The following RNF169 variants were observed in gnomAD, a reference collection of about 807,000 sequenced individuals.
The protein encoded by RNF169 is E3 ubiquitin-protein ligase RNF169.
Under a neutral mutation model 53.9 loss-of-function variants are expected in RNF169, and 24 were observed. The ratio of observed to expected loss-of-function variants is 0.45; its 90% CI spans 0.32 to 0.63. RNF169 has a LOEUF of 0.63. Among genes scored for constraint, RNF169 ranks in the 20% least tolerant of loss-of-function variants. The pLI, the probability that RNF169 is intolerant of heterozygous loss-of-function variation, is 0.04. For synonymous variants in RNF169, 396 were observed against 363.5 expected, an observed-to-expected ratio of 1.09 and a Z score of -1.02; for missense variants, 883 against 906.2, an observed-to-expected ratio of 0.97 and a Z score of 0.33.
At chr11:74,814,520 C>T (rs913550239) in intron 3 of RNF169, among the ~76,000 whole-genome samples, 1 of 151,270 alleles carries the variant, frequency 6.6e-6, no homozygotes, top group Non-Finnish European at 1.5e-5. Context: ...TAGCTGGGAC[C>T]ACAGGCGCCT....
intron 2 of RNF169, among the ~76,000 whole-genome samples, chr11:74,808,705 T>C (rs1488798310): frequency 1.3e-5 from 2 of 152,258 alleles, no homozygotes; most frequent in Non-Finnish European, 2.9e-5. Flanking sequence ...TGTTCTCTTT[T>C]GAACCATTAT....
rs532631258 is a variant in RNF169, at chr11:74,818,522, C to T, written c.842+808C>T. Among the ~76,000 whole-genome samples the T allele has an allele frequency of 2.0e-5, 3 of 152,192 alleles. No homozygotes were observed. In the South Asian group the frequency reaches 6.2e-4, roughly 31 times the overall value. On this transcript the variant is annotated intron_variant, in intron 4 of 5. Coordinates refer to ENST00000299563, the MANE Select transcript of RNF169 (RefSeq NM_001098638.2). Reference sequence around the variant, plus strand: ...ATCCTCCCATCTCAGCCCTGAATAGCTGAGACCATAGCTGTGTGCCACCAT... The same window carrying T: ...ATCCTCCCATCTCAGCCCTGAATAGTTGAGACCATAGCTGTGTGCCACCAT...
At chr11:74,792,623 G>A (rs987382765) in intron 2 of RNF169, among the ~76,000 whole-genome samples, 6 of 151,996 alleles carry the variant, frequency 3.9e-5, no homozygotes, top group Non-Finnish European at 7.4e-5. Context: ...GGCTGGTCTC[G>A]AACTCCTGAC....
At chr11:74,783,664 A>G (rs967491564) in intron 1 of RNF169, among the ~76,000 whole-genome samples, 1 of 152,128 alleles carries the variant, frequency 6.6e-6, no homozygotes. Flanking sequence ...GAGGAAGATG[A>G]TGTTGCCTTT....
intron 2 of RNF169, among the ~76,000 whole-genome samples, chr11:74,809,524 T>C (rs1162848194): frequency 1.3e-5 from 2 of 152,216 alleles, no homozygotes; most frequent in Non-Finnish European, 2.9e-5. Flanking sequence ...CTCTCTGCCA[T>C]AAATTTCTTT....
intron 2 of RNF169, among the ~76,000 whole-genome samples, chr11:74,809,691 C>A (rs981442753): frequency 6.6e-6 from 1 of 152,076 alleles, no homozygotes; most frequent in Non-Finnish European, 1.5e-5. Flanking sequence ...CTTTGTAGAC[C>A]GTGTATCTTG....
At chr11:74,804,442 C>T (rs1246918728) in intron 2 of RNF169, among the ~76,000 whole-genome samples, 2 of 152,200 alleles carry the variant, frequency 1.3e-5, no homozygotes, top group East Asian at 3.8e-4. Context: ...CCTGTCATAT[C>T]TGTCATGTTT....
chr11:74,784,160 T>C (rs951976017), intron 1 of RNF169, among the ~76,000 whole-genome samples: 17 of 152,216 alleles, frequency 1.1e-4, no homozygotes, highest in Non-Finnish European at 2.2e-4. Flanking sequence ...TATTATACTT[T>C]AATGGAGATT....
rs146171204 is a variant in RNF169, at chr11:74,810,067, A to G, written c.577-117A>G. The G allele has an allele frequency of 2.3e-3, 2,047 of 894,620 alleles. 4 individuals carry two copies. Among genetic ancestry groups the G allele is most frequent in the Non-Finnish European group, 2.9e-3 (1,730 of 586,902 alleles). The allele number at this position is 894,620 out of a possible 1,614,324, so 55.4% of individuals were successfully genotyped here. A position where few individuals can be genotyped will look rare whatever the true frequency, so the allele number is the denominator to read the frequency against. On this transcript the variant is annotated intron_variant, in intron 2 of 5. Coordinates refer to ENST00000299563, the MANE Select transcript of RNF169 (RefSeq NM_001098638.2). The stretch of plus-strand genomic sequence containing the variant: ...TCAAGAGGGCTCTATAGCTGATAAG[A>G]AAAACAGTCTCAAAACTGCCATGTG...
At chr11:74,780,518 A>G (rs941239663) in intron 1 of RNF169, among the ~76,000 whole-genome samples, 1 of 152,216 alleles carries the variant, frequency 6.6e-6, no homozygotes, top group South Asian at 2.1e-4. Context: ...GCCTTTAAGA[A>G]TTCAGCCTCA....
intron 3 of RNF169, among the ~76,000 whole-genome samples, chr11:74,816,928 G>T (rs1030905876): frequency 1.3e-5 from 2 of 152,164 alleles, no homozygotes; most frequent in Non-Finnish European, 2.9e-5. Flanking sequence ...ATTCTTGATG[G>T]TGTGGAGGGT....
intron 1 of RNF169, among the ~76,000 whole-genome samples, chr11:74,755,153 C>T (rs1404477590): frequency 1.3e-5 from 2 of 152,100 alleles, no homozygotes; most frequent in Admixed American, 1.3e-4. Context: ...GACACATATC[C>T]GAGAATTTGA....
intron 2 of RNF169, among the ~76,000 whole-genome samples, chr11:74,794,375 T>C (rs764939331): frequency 6.6e-6 from 1 of 152,050 alleles, no homozygotes; most frequent in Non-Finnish European, 1.5e-5. Flanking sequence ...AAGGGGAAAA[T>C]TGAGGACATG....
chr11:74,781,190 T>C (rs2135065147), intron 1 of RNF169, among the ~76,000 whole-genome samples: 1 of 152,292 alleles, frequency 6.6e-6, no homozygotes, highest in Admixed American at 6.5e-5. Flanking sequence ...GGCTACAAAC[T>C]AGGGGAGAAT....
At chr11:74,800,591 A>T (rs534531965) in intron 2 of RNF169, among the ~76,000 whole-genome samples, 1 of 152,350 alleles carries the variant, frequency 6.6e-6, no homozygotes, top group Non-Finnish European at 1.5e-5. Context: ...TAAACTGTAT[A>T]TAAGTATTAT....
intron 1 of RNF169, among the ~76,000 whole-genome samples, chr11:74,776,874 G>A (rs2035343831): frequency 6.6e-6 from 1 of 152,214 alleles, no homozygotes; most frequent in African/African-American, 2.4e-5. Flanking sequence ...ATGTGTAAGG[G>A]CTGGGGAGAA....
intron 1 of RNF169, among the ~76,000 whole-genome samples, chr11:74,788,776 T>TG (rs762294810): frequency 1.6e-4 from 25 of 152,180 alleles, no homozygotes; most frequent in Non-Finnish European, 2.9e-4. Flanking sequence ...TAATTTTTGC[T>TG]GTGTTGTAGG....
At chr11:74,797,825 A>C (rs1041825149) in intron 2 of RNF169, among the ~76,000 whole-genome samples, 1 of 152,232 alleles carries the variant, frequency 6.6e-6, no homozygotes, top group South Asian at 2.1e-4. Context: ...CAGGGACCCC[A>C]AACGGAGGGA....
chr11:74,784,096 G>A (rs186216714), intron 1 of RNF169, among the ~76,000 whole-genome samples: 5 of 152,164 alleles, frequency 3.3e-5, no homozygotes, highest in Non-Finnish European at 7.4e-5. Context: ...TTATTTTGAT[G>A]TTATACATAC....
Sources: allele counts gnomAD v4.1 joint callset (sites outside exome capture counted in the v4.1 genomes callset), GRCh38; gene constraint gnomAD v4.1.1; transcripts MANE v1.5; gene names NCBI Gene and HGNC (gene_info 2026-07-23, HGNC 2026-07-21).